The following ATP8A2 variants were observed in gnomAD, a reference collection of about 807,000 sequenced individuals.
ATP8A2 encodes the protein ATPase phospholipid transporting 8A2, also known as phospholipid-transporting ATPase IB.
ATP8A2 carries 100 observed loss-of-function variants against 165.6 expected under a neutral mutation model. The ratio of observed to expected loss-of-function variants is 0.60; its 90% CI spans 0.51 to 0.71. ATP8A2 has a LOEUF of 0.71. Ranked by LOEUF, ATP8A2 falls within the 30% of genes least tolerant of loss-of-function variation. The pLI, the probability that ATP8A2 is intolerant of heterozygous loss-of-function variation, is 0.00. For missense variants in ATP8A2, 1,227 were observed against 1,479.5 expected, an observed-to-expected ratio of 0.83 and a Z score of 2.80; for synonymous variants, 543 against 548.8, an observed-to-expected ratio of 0.99 and a Z score of 0.15.
At chr13:25,832,674 A>G (rs575460651) in intron 28 of ATP8A2, among the ~76,000 whole-genome samples, 1 of 152,336 alleles carries the variant, frequency 6.6e-6, no homozygotes, top group East Asian at 1.9e-4. Context: ...CTCTAAATAA[A>G]ATAGAAACAG....
At chr13:25,873,859 C>A in intron 33 of ATP8A2, 1 of 161,986 alleles carries the variant, frequency 6.2e-6, no homozygotes, top group Non-Finnish European at 1.4e-5. Flanking sequence ...GATCTCCTGA[C>A]CTCATGATCC....
intron 24 of ATP8A2, among the ~76,000 whole-genome samples, chr13:25,620,519 T>C (rs1451991468): frequency 6.6e-6 from 1 of 152,148 alleles, no homozygotes; most frequent in African/African-American, 2.4e-5. Flanking sequence ...CTGTTCAAAG[T>C]ATAAAAAGCA....
chr13:25,671,554 G>A (rs1278169613), intron 24 of ATP8A2, among the ~76,000 whole-genome samples: 1 of 152,134 alleles, frequency 6.6e-6, no homozygotes, highest in East Asian at 1.9e-4. Context: ...CTCTAAACTG[G>A]CCCCCCTGGG....
At chr13:25,845,073 A>G (rs1307432995) in intron 30 of ATP8A2, among the ~76,000 whole-genome samples, 2 of 152,196 alleles carry the variant, frequency 1.3e-5, no homozygotes, top group Non-Finnish European at 2.9e-5. Context: ...TCAAATTTCA[A>G]AATAAATTTT....
rs758066645 is a variant in ATP8A2, at chr13:25,579,814, G to A, written c.1874G>A (p.Arg625Gln). Reference sequence around the variant, plus strand: ...ACCAGTGGCTGTCTTGCAGGCTTGCGGACTCTCTGTGTGGCTTATGCTGAT... The same window carrying A: ...ACCAGTGGCTGTCTTGCAGGCTTGCAGACTCTCTGTGTGGCTTATGCTGAT... Reference protein sequence around the residue: ...HLEYFATEGLRTLCVAYADLS... With the variant: ...HLEYFATEGLQTLCVAYADLS... The change falls in exon 22 of 37, where the codon CGG becomes CAG. Residue 625 changes from arginine to glutamine, a missense_variant. By Grantham distance (43) the Arg-to-Gln change is conservative. Transcript: ENST00000381655. 6 of 1,609,972 alleles carry A rather than the reference G, an allele frequency of 3.7e-6. No individual in the cohort carries two copies. Among genetic ancestry groups the A allele is most frequent in the Non-Finnish European group, 4.2e-6 (5 of 1,178,340 alleles).
At position 25,774,172 on chromosome 13, in the gene ATP8A2, G is replaced by A. The variant is rs150002972; in HGVS notation, c.2569-677G>A. ...ATGGAATCAACCCAAATGTCCATCC[G>A]TGCTAGACTGGATAAAGAAAATGCA... On this transcript the variant is annotated intron_variant, in intron 26 of 36. Coordinates refer to ENST00000381655, the MANE Select transcript of ATP8A2 (RefSeq NM_016529.6). Among the ~76,000 whole-genome samples, 10 of 152,214 alleles carry A rather than the reference G, an allele frequency of 6.6e-5. No homozygotes were observed. In the East Asian group the frequency reaches 1.2e-3, roughly 18 times the overall value.
At chr13:25,511,829 G>C (rs1297545898) in intron 2 of ATP8A2, among the ~76,000 whole-genome samples, 2 of 151,404 alleles carry the variant, frequency 1.3e-5, no homozygotes, top group Non-Finnish European at 2.9e-5. Context: ...TGTTCTTAGA[G>C]TTCTAGCAAC....
chr13:25,576,516 T>C (rs2039623363), intron 19 of ATP8A2, among the ~76,000 whole-genome samples: 1 of 150,950 alleles, frequency 6.6e-6, no homozygotes, highest in Non-Finnish European at 1.5e-5. Context: ...GCTCGGTGAG[T>C]GAGGATGGGC....
chr13:25,388,779 C>T (rs2033145465), intron 1 of ATP8A2, among the ~76,000 whole-genome samples: 1 of 152,072 alleles, frequency 6.6e-6, no homozygotes, highest in African/African-American at 2.4e-5. Flanking sequence ...CCTCCCTTAT[C>T]AGGAGGGAGC....
At chr13:25,799,882 C>T (rs912778654) in intron 27 of ATP8A2, among the ~76,000 whole-genome samples, 3 of 152,318 alleles carry the variant, frequency 2.0e-5, no homozygotes, top group African/African-American at 7.2e-5. Flanking sequence ...ACAAAATTGG[C>T]TGTTTCCAAT....
intron 2 of ATP8A2, among the ~76,000 whole-genome samples, chr13:25,500,423 A>G (rs2036818271): frequency 6.6e-6 from 1 of 151,390 alleles, no homozygotes; most frequent in African/African-American, 2.4e-5. Flanking sequence ...TAAATGTCTT[A>G]GTCAATTAAA....
intron 15 of ATP8A2, among the ~76,000 whole-genome samples, chr13:25,561,440 G>A (rs911670155): frequency 6.6e-6 from 1 of 151,714 alleles, no homozygotes; most frequent in Non-Finnish European, 1.5e-5. Flanking sequence ...TTTTCTGTGT[G>A]ATCTCACTTT....
chr13:25,576,108 G>A (rs1311581281), intron 19 of ATP8A2, among the ~76,000 whole-genome samples: 2 of 152,136 alleles, frequency 1.3e-5, no homozygotes, highest in Non-Finnish European at 2.9e-5. Context: ...ACTGAAACAC[G>A]GGTTTCAAGA....
intron 1 of ATP8A2, among the ~76,000 whole-genome samples, chr13:25,373,552 A>G (rs533173458): frequency 6.6e-6 from 1 of 152,054 alleles, no homozygotes; most frequent in Admixed American, 6.6e-5. Flanking sequence ...AGACCTGGGG[A>G]CACCCTCTGT....
intron 25 of ATP8A2, among the ~76,000 whole-genome samples, chr13:25,760,723 ATT>A (rs1462721570): frequency 1.3e-5 from 2 of 152,198 alleles, no homozygotes; most frequent in African/African-American, 2.4e-5. Context: ...ATGTTAATGT[ATT>A]TTTGCAGTAG....
rs1358047116 is a variant in ATP8A2 at position 25,641,342 on chromosome 13, A to G, written c.2211+51643A>G. 4.6e-5 allele frequency among the ~76,000 whole-genome samples: 7 copies of G among 152,314 alleles called. No homozygotes were observed. In the East Asian group the frequency reaches 1.4e-3, roughly 29 times the overall value. On this transcript the variant is annotated intron_variant, in intron 24 of 36. Transcript: ENST00000381655. ...CCCTGTTTGCAGATGATGTGATTGT[A>G]TATTTAGAAAACCCCATCGTTTCAG... is the stretch of plus-strand genomic sequence containing the variant.
intron 24 of ATP8A2, among the ~76,000 whole-genome samples, chr13:25,686,829 CCTAA>C (rs1388725878): frequency 1.1e-3 from 162 of 152,214 alleles, no homozygotes; most frequent in Non-Finnish European, 2.1e-4. Flanking sequence ...AATCCTGCTT[CCTAA>C]ACCCTGCTTG....
chr13:25,751,945 A>C (rs2044160600), intron 25 of ATP8A2, among the ~76,000 whole-genome samples: 1 of 150,562 alleles, frequency 6.6e-6, no homozygotes, highest in African/African-American at 2.5e-5. Context: ...TGCTACTGTT[A>C]CGTGTACTGT....
chr13:26,011,599 T>G (rs1956850222), intron 35 of ATP8A2, among the ~76,000 whole-genome samples: 1 of 152,206 alleles, frequency 6.6e-6, no homozygotes, highest in Non-Finnish European at 1.5e-5. Context: ...CAAAGCACTT[T>G]GACCTGCCTG....
Sources: gnomAD v4.1 joint callset for allele counts (sites outside exome capture counted in the v4.1 genomes callset) on GRCh38, gnomAD v4.1.1 for gene constraint, MANE v1.5 for transcripts, NCBI Gene and HGNC (gene_info 2026-07-23, HGNC 2026-07-21) for gene names.